UCK2: variants seen among roughly 807,000 people sequenced by gnomAD.
The protein encoded by UCK2 is uridine-cytidine kinase 2.
A neutral mutation model predicts 30.8 loss-of-function variants in UCK2; 6 were observed. The observed-to-expected ratio is 0.19, with a 90% CI of 0.11 to 0.38. The LOEUF (loss-of-function observed/expected upper bound fraction) is 0.38, where lower values mean the gene tolerates loss of function less well. Among genes scored for constraint, UCK2 ranks in the 10% least tolerant of loss-of-function variants. The pLI, the probability that UCK2 is intolerant of heterozygous loss-of-function variation, is 1.00. For missense variants in UCK2, 210 were observed against 339.8 expected (o/e 0.62, Z 3.00); for synonymous variants, 125 against 133.6 (o/e 0.94, Z 0.45).
intron 1 of UCK2, among the ~76,000 whole-genome samples, chr1:165,856,190 C>T (rs149230489): frequency 1.6e-4 from 24 of 151,820 alleles, no homozygotes; most frequent in African/African-American, 5.1e-4. Context: ...AACTAAGGCC[C>T]GGAAATGAAA....
At chr1:165,871,813 A>G (rs956034515) in intron 1 of UCK2, among the ~76,000 whole-genome samples, 7 of 152,276 alleles carry the variant, frequency 4.6e-5, no homozygotes, top group Admixed American at 6.5e-5. Flanking sequence ...TAACTGCATC[A>G]ATAAAGAATT....
chr1:165,865,066 C>T (rs1655017509), intron 1 of UCK2, among the ~76,000 whole-genome samples: 1 of 152,122 alleles, frequency 6.6e-6, no homozygotes, highest in African/African-American at 2.4e-5. Context: ...TCCCATATTA[C>T]CAAATATTCT....
chr1:165,830,899 G>C (rs1258679561), intron 1 of UCK2, among the ~76,000 whole-genome samples: 1 of 151,852 alleles, frequency 6.6e-6, no homozygotes, highest in Non-Finnish European at 1.5e-5. Context: ...GGTCGAGAAA[G>C]TTATTTTGAC....
chr1:165,850,964 T>C (rs1571271387), intron 1 of UCK2, among the ~76,000 whole-genome samples: 1 of 132,196 alleles, frequency 7.6e-6, no homozygotes, highest in East Asian at 2.4e-4. Flanking sequence ...TAATAGAGAA[T>C]GGGTCTCGCT....
At chr1:165,837,966 T>G (rs1342249888) in intron 1 of UCK2, among the ~76,000 whole-genome samples, 3 of 152,234 alleles carry the variant, frequency 2.0e-5, no homozygotes, top group African/African-American at 7.2e-5. Context: ...TTCTGTAGCC[T>G]CTCAGGCTGT....
At chr1:165,861,489 G>A (rs1473677395) in intron 1 of UCK2, among the ~76,000 whole-genome samples, 2 of 149,994 alleles carry the variant, frequency 1.3e-5, no homozygotes, top group African/African-American at 4.9e-5. Flanking sequence ...TTAGCCGGGC[G>A]TAGTGGCGGG....
At chr1:165,889,681 C>T (rs1158348009) in intron 1 of UCK2, among the ~76,000 whole-genome samples, 7 of 144,490 alleles carry the variant, frequency 4.8e-5, no homozygotes, top group South Asian at 2.2e-4. Flanking sequence ...GACTCTTCTC[C>T]GTTAGCCTTT....
intron 1 of UCK2, among the ~76,000 whole-genome samples, chr1:165,876,662 A>G (rs571762940): frequency 1.3e-5 from 2 of 152,366 alleles, no homozygotes; most frequent in Admixed American, 1.3e-4. Context: ...TTAGTTTTCT[A>G]TGGCTATAGT....
chr1:165,829,457 A>G (rs1653987679), intron 1 of UCK2, among the ~76,000 whole-genome samples: 1 of 152,176 alleles, frequency 6.6e-6, no homozygotes, highest in Non-Finnish European at 1.5e-5. Context: ...CCCTCCTAGC[A>G]CAATGCCTGC....
intron 1 of UCK2, among the ~76,000 whole-genome samples, chr1:165,852,052 A>T (rs1654610494): frequency 1.3e-5 from 2 of 152,198 alleles, no homozygotes; most frequent in South Asian, 4.1e-4. Flanking sequence ...ATATGTGTAC[A>T]TGTGTCTTTA....
chr1:165,838,666 G>A (rs1654254441), intron 1 of UCK2, among the ~76,000 whole-genome samples: 1 of 151,936 alleles, frequency 6.6e-6, no homozygotes, highest in Non-Finnish European at 1.5e-5. Flanking sequence ...CCATCACCTG[G>A]ATAAGATTGC....
At chr1:165,895,273 G>A (rs1181225759) in intron 3 of UCK2, among the ~76,000 whole-genome samples, 1 of 152,056 alleles carries the variant, frequency 6.6e-6, no homozygotes, top group African/African-American at 2.4e-5. Flanking sequence ...AATTAGCCTG[G>A]GGTGGTGGTG....
intron 1 of UCK2, among the ~76,000 whole-genome samples, chr1:165,877,457 C>T (rs1655368109): frequency 6.6e-6 from 1 of 152,210 alleles, no homozygotes; most frequent in South Asian, 2.1e-4. Flanking sequence ...TCCACTGCTC[C>T]CTGTCCCTAA....
chr1:165,879,773 AATTGAG>A (rs1655436024), intron 1 of UCK2, among the ~76,000 whole-genome samples: 1 of 152,018 alleles, frequency 6.6e-6, no homozygotes, highest in Admixed American at 6.5e-5. Context: ...CAGTCGAGGG[AATTGAG>A]ACAGCCAATA....
chr1:165,900,089 A>G (rs1022002351), intron 4 of UCK2: 4 of 151,994 alleles, frequency 2.6e-5, no homozygotes, highest in Non-Finnish European at 4.4e-5. Flanking sequence ...CCGCGTGGCA[A>G]CCTGCCTTTC....
At chr1:165,869,089 A>G (rs1016719281) in intron 1 of UCK2, among the ~76,000 whole-genome samples, 1 of 152,232 alleles carries the variant, frequency 6.6e-6, no homozygotes, top group Non-Finnish European at 1.5e-5. Flanking sequence ...AGTCAGTGGA[A>G]CAGTCAGAAC....
chr1:165,862,605 T>G (rs1176897958), intron 1 of UCK2, among the ~76,000 whole-genome samples: 2 of 152,200 alleles, frequency 1.3e-5, no homozygotes, highest in African/African-American at 2.4e-5. Flanking sequence ...GAGTCTGATG[T>G]CAGTTTTTGA....
chr1:165,894,643 T>C (rs1655846792), intron 3 of UCK2: 2 of 152,154 alleles, frequency 1.3e-5, no homozygotes, highest in African/African-American at 4.8e-5. Flanking sequence ...ACCACAATTC[T>C]AGGGCATTTC....
At chr1:165,831,763 T>A (rs1425130206) in intron 1 of UCK2, among the ~76,000 whole-genome samples, 1 of 152,162 alleles carries the variant, frequency 6.6e-6, no homozygotes, top group Admixed American at 6.5e-5. Flanking sequence ...ATTATTTTTA[T>A]TTTTTATTTT....
Sources: allele counts gnomAD v4.1 joint callset (sites outside exome capture counted in the v4.1 genomes callset), GRCh38; gene constraint gnomAD v4.1.1; transcripts MANE v1.5; gene names NCBI Gene and HGNC (gene_info 2026-07-23, HGNC 2026-07-21).